GCN1: variants seen among roughly 807,000 people sequenced by gnomAD.
GCN1 encodes GCN1 activator of EIF2AK4.
Under a neutral mutation model 288.4 loss-of-function variants are expected in GCN1, and 90 were observed. The observed-to-expected ratio is 0.31, with a 90% confidence interval of 0.26 to 0.37. The LOEUF (loss-of-function observed/expected upper bound fraction) is 0.37. Among genes scored for constraint, GCN1 ranks in the 10% least tolerant of loss-of-function variants. The pLI is 1.00. For synonymous variants in GCN1, 1,386 were observed against 1,420.2 expected, an observed-to-expected ratio of 0.98 and a Z score of 0.54; for missense variants, 2,586 against 3,419.9, an observed-to-expected ratio of 0.76 and a Z score of 6.08.
At chr12:120,138,469 C>T in intron 46 of GCN1, 54 bp from the exon 47 acceptor site, 1 of 1,149,808 alleles carries the variant, frequency 8.7e-7, no homozygotes, top group Non-Finnish European at 1.3e-6. Context: ...GCTGTCTCAA[C>T]CAGCCACCGC....
chr12:120,149,575 C>T (rs1280316000), intron 36 of GCN1, 31 bp downstream of exon 36: 2 of 1,487,206 alleles, frequency 1.3e-6, no homozygotes, highest in Non-Finnish European at 9.4e-7. Flanking sequence ...TAACAGGAAG[C>T]TGGGAAGAGA....
chr12:120,143,220 G>GGAA (rs1877253641), intron 42 of GCN1, among the ~76,000 whole-genome samples: 1 of 152,184 alleles, frequency 6.6e-6, no homozygotes, highest in East Asian at 1.9e-4. Flanking sequence ...GTACAAAAGG[G>GGAA]GAAGCATTAA....
rs1185605196 is a variant in GCN1, at chr12:120,142,009, C to T, written c.5829+498G>A. ...TGTGTCCCCAGGTGCTAGGCCCCTG[C>T]TTAGTGCACAGGAGATGCTAATAAA... is the stretch of plus-strand genomic sequence containing the variant. On this transcript the variant is annotated intron_variant, in intron 44 of 57. Transcript: ENST00000300648. This position sits in a 1 kb window ranked among gnomAD's most constrained non-coding sequence, Gnocchi z 4.9. Among the ~76,000 whole-genome samples the T allele has an allele frequency of 1.3e-5, 2 of 152,198 alleles. No individual in the cohort carries two copies. The highest frequency in any genetic ancestry group is 1.5e-5 in the Non-Finnish European group (1 of 68,046).
chr12:120,184,040 C>T (rs948398845), intron 4 of GCN1, 72 bp downstream of exon 4: 12 of 1,346,360 alleles, frequency 8.9e-6, no homozygotes, highest in African/African-American at 8.7e-5. Context: ...CTCTGGTGCA[C>T]AGTCAACTGC....
chr12:120,154,410 T>C (rs1484792889), intron 31 of GCN1, among the ~76,000 whole-genome samples: 1 of 151,848 alleles, frequency 6.6e-6, no homozygotes, highest in African/African-American at 2.4e-5. Flanking sequence ...CTCACGGGAG[T>C]GGACACGGCC....
Position 120,168,285 on chromosome 12 carries a change from C to T in GCN1, c.1535G>A (p.Ser512Asn), listed in dbSNP as rs1878197904. ...CTCATCCACAATCAACTGCCAGAAA[C>T]TGCTCAGTTTGGCCTCTGCAAGAAA... is the stretch of plus-strand genomic sequence containing the variant. ...ADSQAEAKLSSFWQLIVDEKK... is the reference protein window; with the variant it reads ...ADSQAEAKLSNFWQLIVDEKK... The change falls in exon 16 of 58, where the codon AGT becomes AAT. Residue 512 changes from serine to asparagine, a missense_variant. Ser to Asn is a conservative substitution (Grantham distance 46). Around this residue, in one of 8 missense-constraint regions of GCN1, gnomAD observed 913 missense variants for 1,107.0 expected, o/e 0.82. Transcript: ENST00000300648. 2 of 1,605,192 alleles carry T rather than the reference C, an allele frequency of 1.2e-6. No individual in the cohort carries two copies. The highest frequency in any genetic ancestry group is 8.5e-7 in the Non-Finnish European group (1 of 1,171,926).
chr12:120,129,349 G>A lies in GCN1; in HGVS notation c.7817C>T (p.Thr2606Ile), dbSNP rs763457054. 6.2e-7 allele frequency: 1 copy of A among 1,614,128 alleles called. No homozygotes were observed. Among genetic ancestry groups the A allele is most frequent in the Non-Finnish European group, 8.5e-7 (1 of 1,180,014 alleles). The change falls in exon 57 of 58, where the codon ACC (threonine) becomes ATC (isoleucine). Residue 2606 changes from threonine (T) to isoleucine (I), a missense_variant. By Grantham distance (89) the Thr-to-Ile change is moderately conservative. Transcript: ENST00000300648. ...CTGGTCGCTGTAGGCCCTGACCACG[G>A]TGTTCTTATCCTTGGTGTTGTCAAG... The part of the protein sequence containing the change: ...ALLDNTKDKN[T>I]VVRAYSDQAI...
At chr12:120,168,147 G>T in intron 16 of GCN1, 61 bp downstream of exon 16, 1 of 1,039,780 alleles carries the variant, frequency 9.6e-7, no homozygotes, top group Non-Finnish European at 1.5e-6. Flanking sequence ...GGTCCTCTCT[G>T]AAGATTTTCC....
At chr12:120,181,839 C>CAA (rs1253486479) in intron 5 of GCN1, among the ~76,000 whole-genome samples, 29 of 59,894 alleles carry the variant, frequency 4.8e-4, no homozygotes, top group African/African-American at 7.2e-4. Context: ...AACTCCGTCT[C>CAA]AAAAAAAAAA....
Position 120,129,396 on chromosome 12 carries a change from G to C in GCN1, c.7770C>G (p.Ile2590Met). ...CAAGAAGAGCCTTCAGGATGGGCTT[G>C]ATGGCCTGGGGGTCCAGGGGAGGCA... ...DPLPPLDPQA[I>M]KPILKALLDN... The change falls in exon 57 of 58, where the codon ATC becomes ATG. Residue 2590 changes from isoleucine (I) to methionine (M), a missense_variant. Transcript: ENST00000300648. 6.2e-7 allele frequency: 1 copy of C among 1,613,908 alleles called. No individual in the cohort carries two copies. Among genetic ancestry groups the C allele is most frequent in the Non-Finnish European group, 8.5e-7 (1 of 1,179,800 alleles).
intron 1 of GCN1, among the ~76,000 whole-genome samples, chr12:120,190,922 G>C (rs1162667020): frequency 6.6e-6 from 1 of 152,170 alleles, no homozygotes; most frequent in Non-Finnish European, 1.5e-5. Flanking sequence ...CTGGCTAAAG[G>C]GGGAAAGGTT....
rs993234533 is a variant in GCN1 at position 120,153,915 on chromosome 12, AAAG to A, written c.3702-9_3702-7del. 1 of 1,612,942 alleles carries A rather than the reference AAAG, an allele frequency of 6.2e-7. No homozygotes were observed. ...GGGCCAACGCCAAGCCACACCTGGG[AAAG>A]AAGTGGGAGCACATCAGGAGGGGCA... On this transcript the variant is annotated splice_region_variant and splice_polypyrimidine_tract_variant and intron_variant, in intron 31 of 57. Transcript: ENST00000300648. This position sits in a 1 kb window ranked among gnomAD's most constrained non-coding sequence, Gnocchi z 4.4.
chr12:120,164,822 C>A (rs1012760215), intron 16 of GCN1, 101 bp from the exon 17 acceptor site: 66 of 702,328 alleles, frequency 9.4e-5, no homozygotes, highest in South Asian at 5.8e-4. Context: ...AAATTAACAC[C>A]AAAATATAAA....
At position 120,157,981 on chromosome 12, in the gene GCN1, C is replaced by G; in HGVS notation, c.2955G>C (p.Leu985=). The change falls in exon 26 of 58, where the codon CTG becomes CTC. Residue 985 remains leucine, a synonymous_variant. Coordinates refer to ENST00000300648, the MANE Select transcript of GCN1 (RefSeq NM_006836.2). ...GGGGCATCTCCGTCAGCACCATCTT[C>G]AGAAACGGGAAGACTAAGGAGAAGG... ...APAFSLVFPF[L]KMVLTEMPHH... The G allele has an allele frequency of 6.2e-7, 1 of 1,614,038 alleles. No individual in the cohort carries two copies. Among genetic ancestry groups the G allele is most frequent in the South Asian group, 1.1e-5 (1 of 91,084 alleles).
In GCN1 at chr12:120,137,131, C is replaced by T; in HGVS notation, c.6777+75G>A. ...TGCTCCAGCAGCCCCTACCGCAGACCTGGGACAGGGGTAAGGGCCAGAAGG... is the reference window on the plus strand; with the variant it reads ...TGCTCCAGCAGCCCCTACCGCAGACTTGGGACAGGGGTAAGGGCCAGAAGG... On this transcript the variant is annotated intron_variant, in intron 50 of 57. Transcript: ENST00000300648. This position sits in a 1 kb window ranked among gnomAD's most constrained non-coding sequence, Gnocchi z 5.2. 9.3e-7 allele frequency: 1 copy of T among 1,077,904 alleles called. No homozygotes were observed. Among genetic ancestry groups the T allele is most frequent in the Non-Finnish European group, 1.4e-6 (1 of 696,962 alleles). The allele number at this position is 1,077,904 out of a possible 1,614,324, so 66.8% of individuals were successfully genotyped here. A position where few individuals can be genotyped will look rare whatever the true frequency, so the allele number is the denominator to read the frequency against.
At chr12:120,179,836 CT>C (rs1367139159) in intron 5 of GCN1, among the ~76,000 whole-genome samples, 2 of 152,214 alleles carry the variant, frequency 1.3e-5, no homozygotes, top group Non-Finnish European at 2.9e-5. Context: ...TCATTTACTT[CT>C]TATCTGCCTT....
chr12:120,183,129 A>C (rs1275178216), intron 5 of GCN1, among the ~76,000 whole-genome samples: 2 of 152,126 alleles, frequency 1.3e-5, no homozygotes, highest in African/African-American at 4.8e-5. Flanking sequence ...AACCAAAACC[A>C]AGACAAAAAA....
chr12:120,158,155 G>T lies in GCN1; in HGVS notation c.2906-125C>A. 1 of 875,574 alleles carries T rather than the reference G, an allele frequency of 1.1e-6. No individual in the cohort carries two copies. The highest frequency in any genetic ancestry group is 1.7e-6 in the Non-Finnish European group (1 of 572,196). 54.2% of individuals were successfully genotyped at this position (875,574 alleles called of 1,614,324 possible). A position where few individuals can be genotyped will look rare whatever the true frequency, so the allele number is the denominator to read the frequency against. ...CAGAGGCCCGTTCTGACACCTGGAA[G>T]CACATGGCACGAGGACAGAGACAGC... On this transcript the variant is annotated intron_variant, in intron 25 of 57. Coordinates refer to ENST00000300648, the MANE Select transcript of GCN1 (RefSeq NM_006836.2). The surrounding 1 kb of genome is among the most constrained non-coding windows in gnomAD (Gnocchi z 4.3).
Position 120,158,628 on chromosome 12 carries a change from G to A in GCN1, c.2750-13C>T. The A allele has an allele frequency of 1.3e-6, 2 of 1,594,918 alleles. No homozygotes were observed. Among genetic ancestry groups the A allele is most frequent in the Non-Finnish European group, 8.5e-7 (1 of 1,170,156 alleles). ...CTCACCAAAGTGCCTGTGTTGAAGA[G>A]GAGAGACCCAGCAGGAGATGACACA... On this transcript the variant is annotated splice_polypyrimidine_tract_variant and intron_variant, in intron 24 of 57. Coordinates refer to ENST00000300648, the MANE Select transcript of GCN1 (RefSeq NM_006836.2). This position sits in a 1 kb window ranked among gnomAD's most constrained non-coding sequence, Gnocchi z 4.3.
Sources: gnomAD v4.1 joint callset for allele counts (sites outside exome capture counted in the v4.1 genomes callset) on GRCh38, gnomAD v4.1.1 for gene constraint, gnomAD v4.1.1 regional missense constraint, Gnocchi (gnomAD v3.1) non-coding constraint, MANE v1.5 for transcripts, NCBI Gene and HGNC (gene_info 2026-07-23, HGNC 2026-07-21) for gene names.